Variants in STARD13 observed in about 807,000 individuals in gnomAD.
STARD13 encodes the protein StAR related lipid transfer domain containing 13.
STARD13 carries 62 observed loss-of-function variants against 106.4 expected under a neutral mutation model. The observed-to-expected ratio is 0.58, with a 90% CI of 0.48 to 0.72. The LOEUF is 0.72. Ranked by LOEUF, STARD13 falls within the 30% of genes least tolerant of loss-of-function variation. STARD13 has a pLI of 0.00. For synonymous variants in STARD13, 565 were observed against 553.0 expected, an observed-to-expected ratio of 1.02 and a Z score of -0.31; for missense variants, 1,387 against 1,424.0, an observed-to-expected ratio of 0.97 and a Z score of 0.42.
chr13:33,595,710 C>T, the STARD13 span, among the ~76,000 whole-genome samples: 2 of 152,100 alleles, frequency 1.3e-5, no homozygotes, highest in African/African-American at 2.4e-5. Flanking sequence ...TGGTTTATTG[C>T]AGAATAATAA....
chr13:33,154,902 C>T (rs2138301791), intron 3 of STARD13, among the ~76,000 whole-genome samples: 1 of 152,230 alleles, frequency 6.6e-6, no homozygotes, highest in Admixed American at 6.5e-5. Context: ...GCCCACCCCT[C>T]ACTCACACTG....
upstream of STARD13, chr13:33,350,702 C>T: frequency 4.5e-6 from 5 of 1,105,112 alleles, no homozygotes; most frequent in Non-Finnish European, 5.6e-6. Flanking sequence ...CTCCGTTGGG[C>T]GCTCCTCCAC....
At chr13:33,285,798 C>G, upstream of STARD13, 1 of 1,423,386 alleles carries the variant, frequency 7.0e-7, no homozygotes, top group Non-Finnish European at 9.1e-7. Flanking sequence ...AGAATTCCAA[C>G]CCCCGGGGCC....
chr13:33,335,790 A>G (rs2077889633), intron 1 of STARD13, among the ~76,000 whole-genome samples: 1 of 152,228 alleles, frequency 6.6e-6, no homozygotes, highest in South Asian at 2.1e-4. Flanking sequence ...TCATCATCCC[A>G]GAGAGGACTG....
intron 1 of STARD13, among the ~76,000 whole-genome samples, chr13:33,226,970 A>G (rs1566085529): frequency 6.6e-6 from 1 of 152,198 alleles, no homozygotes. Context: ...ATGTATATTC[A>G]TTCGTTCTTA....
At chr13:33,427,310 G>A in the STARD13 span, among the ~76,000 whole-genome samples, 1 of 152,152 alleles carries the variant, frequency 6.6e-6, no homozygotes, top group South Asian at 2.1e-4. Context: ...CCTCCAAAAA[G>A]AATGTTATTC....
At chr13:33,519,266 TTCTTTCTTTTCTTTC>T in the STARD13 span, among the ~76,000 whole-genome samples, 88 of 149,110 alleles carry the variant, frequency 5.9e-4, no homozygotes, top group African/African-American at 2.1e-3. Flanking sequence ...CTTTCTTTCT[TTCTTTCTTTTCTTTC>T]TCTTTCTTTC....
At chr13:33,579,335 C>A in the STARD13 span, among the ~76,000 whole-genome samples, 1 of 151,946 alleles carries the variant, frequency 6.6e-6, no homozygotes, top group African/African-American at 2.4e-5. Flanking sequence ...AAAATAATGT[C>A]TTTTGTAGCA....
At chr13:33,353,306 C>G (rs1377812859), upstream of STARD13, among the ~76,000 whole-genome samples, 1 of 152,172 alleles carries the variant, frequency 6.6e-6, no homozygotes, top group Non-Finnish European at 1.5e-5. Context: ...GTGATCTTGC[C>G]AAGGTCACCA....
At chr13:33,603,835 A>T in the STARD13 span, among the ~76,000 whole-genome samples, 14 of 152,332 alleles carry the variant, frequency 9.2e-5, no homozygotes, top group African/African-American at 1.4e-4. Flanking sequence ...AACCCCATTT[A>T]AAAAACTTTA....
chr13:33,398,317 A>G, the STARD13 span, among the ~76,000 whole-genome samples: 1 of 152,220 alleles, frequency 6.6e-6, no homozygotes, highest in Admixed American at 6.5e-5. Flanking sequence ...ACCTTACAAC[A>G]TTCACGAAAT....
chr13:33,574,315 G>A, the STARD13 span, among the ~76,000 whole-genome samples: 1 of 152,206 alleles, frequency 6.6e-6, no homozygotes, highest in Admixed American at 6.5e-5. Context: ...AACACAGTAA[G>A]TGAAAGTATG....
the STARD13 span, among the ~76,000 whole-genome samples, chr13:33,612,268 C>G: frequency 6.6e-6 from 1 of 152,190 alleles, no homozygotes; most frequent in Non-Finnish European, 1.5e-5. Flanking sequence ...AAAGTCACCC[C>G]TTCCTTAAGA....
the STARD13 span, among the ~76,000 whole-genome samples, chr13:33,486,732 C>T: frequency 1.3e-5 from 2 of 152,200 alleles, no homozygotes; most frequent in Non-Finnish European, 1.5e-5. Flanking sequence ...AACAACTCCT[C>T]TTCCAAAACA....
At chr13:33,138,410 C>CTTTTTTTT (rs71196507) in intron 4 of STARD13, 2 of 122,794 alleles carry the variant, frequency 1.6e-5, no homozygotes, top group Admixed American at 8.7e-5. Context: ...CACTGTTTGG[C>CTTTTTTTT]TTTTTTTTTT....
the STARD13 span, among the ~76,000 whole-genome samples, chr13:33,512,116 T>C: frequency 0.3 from 45,805 of 152,048 alleles, 7,461 homozygotes; most frequent in Middle Eastern, 0.38. Context: ...GAAAGTGTGG[T>C]GGGTGGCATG....
chr13:33,229,663 TTC>T (rs1888810608), intron 1 of STARD13, among the ~76,000 whole-genome samples: 1 of 152,220 alleles, frequency 6.6e-6, no homozygotes, highest in African/African-American at 2.4e-5. Context: ...TGGCCTGTTT[TTC>T]ACTAGCTTTG....
intron 1 of STARD13, among the ~76,000 whole-genome samples, chr13:33,192,369 G>T (rs1195826162): frequency 1.3e-5 from 2 of 152,196 alleles, no homozygotes; most frequent in African/African-American, 4.8e-5. Context: ...TGAGAATGTT[G>T]CAGGTTTCTT....
At chr13:33,265,253 C>G (rs1890841505) in intron 1 of STARD13, among the ~76,000 whole-genome samples, 2 of 151,670 alleles carry the variant, frequency 1.3e-5, no homozygotes, top group African/African-American at 4.9e-5. Context: ...ATTTTTTATT[C>G]AGTATCAGTG....
Sources: gnomAD v4.1 joint callset for allele counts (sites outside exome capture counted in the v4.1 genomes callset) on GRCh38, gnomAD v4.1.1 for gene constraint, MANE v1.5 for transcripts, NCBI Gene and HGNC (gene_info 2026-07-23, HGNC 2026-07-21) for gene names.